The following TMEM168 variants were observed in gnomAD, a reference collection of about 807,000 sequenced individuals.
TMEM168 encodes transmembrane protein 168.
A neutral mutation model predicts 53.2 loss-of-function variants in TMEM168; 40 were observed. The observed-to-expected ratio is 0.75, with a 90% confidence interval of 0.58 to 0.98. TMEM168 has a LOEUF of 0.98. Among genes scored for constraint, TMEM168 ranks in the 50% least tolerant of loss-of-function variants. The pLI is 0.00. For missense variants in TMEM168, 771 were observed against 828.8 expected (o/e 0.93, Z 0.86); for synonymous variants, 282 against 293.0 (o/e 0.96, Z 0.38).
chr7:112,767,093 T>C lies in TMEM168; in HGVS notation c.*104A>G. 1.7e-6 allele frequency: 2 copies of C among 1,145,666 alleles called. No homozygotes were observed. The highest frequency in any genetic ancestry group is 2.7e-5 in the Admixed American group (1 of 36,888). 71.0% of individuals were successfully genotyped at this position (1,145,666 alleles called of 1,614,324 possible). The stretch of plus-strand genomic sequence containing the variant: ...GACAAAGTGAGAGCAGCTACAGAAG[T>C]AGCAAGGTATTTTCCACAAATAAAA... On this transcript the variant is annotated 3_prime_UTR_variant, in exon 5 of 5. Coordinates refer to ENST00000312814, the MANE Select transcript of TMEM168 (RefSeq NM_022484.6).
chr7:112,766,829 C>T lies in TMEM168; in HGVS notation c.*368G>A, dbSNP rs1792791791. The T allele has an allele frequency of 5.9e-6, 1 of 170,868 alleles. No homozygotes were observed. Among genetic ancestry groups the T allele is most frequent in the African/African-American group, 2.4e-5 (1 of 41,876 alleles). The allele number at this position is 170,868 out of a possible 1,614,324, so 10.6% of individuals were successfully genotyped here. A position where few individuals can be genotyped will look rare whatever the true frequency, so the allele number is the denominator to read the frequency against. The stretch of plus-strand genomic sequence containing the variant: ...ACAGTAAACAAATTTATCTGGTCTA[C>T]ATTCTCTAAACTATTATTATATGCC... On this transcript the variant is annotated 3_prime_UTR_variant, in exon 5 of 5. Transcript: ENST00000312814.
At chr7:112,771,725 T>C (rs1193631920) in intron 4 of TMEM168, among the ~76,000 whole-genome samples, 1 of 152,166 alleles carries the variant, frequency 6.6e-6, no homozygotes, top group African/African-American at 2.4e-5. Flanking sequence ...GGAGTTCTTA[T>C]ATTGGCAACT....
At position 112,765,630 on chromosome 7, in the gene TMEM168, A is replaced by T. The variant is rs1274426042; in HGVS notation, c.*1567T>A. The T allele has an allele frequency of 1.3e-5, 2 of 152,234 alleles. No homozygotes were observed. The highest frequency in any genetic ancestry group is 2.9e-5 in the Non-Finnish European group (2 of 68,028). The allele number at this position is 152,234 out of a possible 1,614,324, so 9.4% of individuals were successfully genotyped here. A position where few individuals can be genotyped will look rare whatever the true frequency, so the allele number is the denominator to read the frequency against. On this transcript the variant is annotated 3_prime_UTR_variant, in exon 5 of 5. Coordinates refer to ENST00000312814, the MANE Select transcript of TMEM168 (RefSeq NM_022484.6). ...AATATAAATCCTTAACCTATAATGG[A>T]AACTTCCAAACATGAACTCTAAAAC...
intron 1 of TMEM168, among the ~76,000 whole-genome samples, chr7:112,789,249 A>G (rs1185545290): frequency 6.6e-6 from 1 of 151,740 alleles, no homozygotes; most frequent in African/African-American, 2.4e-5. Flanking sequence ...TCCCCATTAC[A>G]TGACCCCCAT....
intron 2 of TMEM168, among the ~76,000 whole-genome samples, chr7:112,778,924 C>T (rs374539609): frequency 3.3e-5 from 5 of 152,092 alleles, no homozygotes; most frequent in African/African-American, 1.2e-4. Flanking sequence ...GGTCTCACTC[C>T]GTCGTCCAGG....
chr7:112,788,307 A>T (rs1011352409), intron 1 of TMEM168: 1 of 152,190 alleles, frequency 6.6e-6, no homozygotes, highest in African/African-American at 2.4e-5. Context: ...GTGCACACAT[A>T]TATTAATCTA....
At position 112,765,985 on chromosome 7, in the gene TMEM168, T is replaced by A. The variant is rs952199596; in HGVS notation, c.*1212A>T. 2 of 152,412 alleles carry A rather than the reference T, an allele frequency of 1.3e-5. No individual in the cohort carries two copies. The highest frequency in any genetic ancestry group is 4.8e-5 in the African/African-American group (2 of 41,276). The allele number at this position is 152,412 out of a possible 1,614,324, so 9.4% of individuals were successfully genotyped here. On this transcript the variant is annotated 3_prime_UTR_variant, in exon 5 of 5. Coordinates refer to ENST00000312814, the MANE Select transcript of TMEM168 (RefSeq NM_022484.6). ...CATTTAAACAATGAAGATTAGATTA[T>A]ACCCCAATTTAATTCTATTCCCTTC...
rs758196357 is a variant in TMEM168, at chr7:112,790,156, C to G, written c.-129+4G>C. 1.3e-5 allele frequency: 2 copies of G among 152,898 alleles called. No individual in the cohort carries two copies. Among genetic ancestry groups the G allele is most frequent in the African/African-American group, 2.4e-5 (1 of 41,468 alleles). 9.5% of individuals were successfully genotyped at this position (152,898 alleles called of 1,614,324 possible). A position where few individuals can be genotyped will look rare whatever the true frequency, so the allele number is the denominator to read the frequency against. On this transcript the variant is annotated splice_donor_region_variant and intron_variant, in intron 1 of 4. Transcript: ENST00000312814. ...CGCCCTGCCGTCCACCCATTTCTCC[C>G]TACCTGACTCGGCCGTCGCCACCAA...
chr7:112,785,532 C>A (rs901115891), intron 1 of TMEM168, among the ~76,000 whole-genome samples: 19 of 152,166 alleles, frequency 1.2e-4, no homozygotes, highest in African/African-American at 4.6e-4. Flanking sequence ...TAAAGTTGAG[C>A]CATAATTCTC....
chr7:112,789,986 G>T (rs2116326841), intron 1 of TMEM168, among the ~76,000 whole-genome samples, 174 bp downstream of exon 1: 1 of 152,338 alleles, frequency 6.6e-6, no homozygotes, highest in East Asian at 1.9e-4. Context: ...AATACGGAGA[G>T]GCGCTCCCAC....
rs1793316524 is a variant in TMEM168, at chr7:112,784,343, C to G, written c.483G>C (p.Glu161Asp). The part of the protein sequence containing the change: ...PTLLTTVEFL[E>D]LVGFAIASTT... ...TGCTGGCAATGGCAAATCCAACAAG[C>G]TCCAGAAATTCAACTGTGGTTAGTA... Residue 161 changes from glutamate (E) to aspartate (D), a missense_variant, in exon 2 of 5, where the codon GAG becomes GAC. Coordinates refer to ENST00000312814, the MANE Select transcript of TMEM168 (RefSeq NM_022484.6). 6.2e-7 allele frequency: 1 copy of G among 1,614,038 alleles called. No individual in the cohort carries two copies. The highest frequency in any genetic ancestry group is 8.5e-7 in the Non-Finnish European group (1 of 1,180,032).
chr7:112,784,803 C>T lies in TMEM168; in HGVS notation c.23G>A (p.Cys8Tyr). The T allele has an allele frequency of 6.3e-7, 1 of 1,595,506 alleles. No individual in the cohort carries two copies. Among genetic ancestry groups the T allele is most frequent in the Non-Finnish European group, 8.5e-7 (1 of 1,174,662 alleles). The part of the protein sequence containing the change: MCKSLRY[C>Y]FSHCLYLAMT... ...TGCTAAATAGAGACAATGACTAAAG[C>T]AATAACGCAGTGATTTACACATGTA... The change falls in exon 2 of 5, where the codon TGC becomes TAC. Residue 8 changes from cysteine to tyrosine, a missense_variant. Coordinates refer to ENST00000312814, the MANE Select transcript of TMEM168 (RefSeq NM_022484.6).
intron 1 of TMEM168, chr7:112,788,332 A>G (rs1793448162): frequency 6.6e-6 from 1 of 152,212 alleles, no homozygotes; most frequent in Admixed American, 6.5e-5. Flanking sequence ...TAGAAAATGA[A>G]GCACCAGCTC....
At chr7:112,771,311 C>T (rs1792925632) in intron 4 of TMEM168, among the ~76,000 whole-genome samples, 1 of 152,100 alleles carries the variant, frequency 6.6e-6, no homozygotes, top group African/African-American at 2.4e-5. Context: ...GGGAAAAATA[C>T]ACTTTAGGAA....
At chr7:112,781,304 G>A (rs1236468395) in intron 2 of TMEM168, among the ~76,000 whole-genome samples, 1 of 152,080 alleles carries the variant, frequency 6.6e-6, no homozygotes, top group Admixed American at 6.6e-5. Context: ...CCCAACAACA[G>A]AGGACTCATT....
At chr7:112,769,602 T>G (rs1792878893) in intron 4 of TMEM168, among the ~76,000 whole-genome samples, 2 of 152,184 alleles carry the variant, frequency 1.3e-5, no homozygotes, top group South Asian at 4.1e-4. Flanking sequence ...TTTCTCTTGT[T>G]TTGCTCTGCT....
Position 112,764,116 on chromosome 7 carries a change from T to A in TMEM168, c.*3081A>T, listed in dbSNP as rs1792714766. ...GCTATTTGCACATGTACCCTAAAACTTAAAGTATAATAATAATAAAATTAA... is the reference window on the plus strand; with the variant it reads ...GCTATTTGCACATGTACCCTAAAACATAAAGTATAATAATAATAAAATTAA... On this transcript the variant is annotated 3_prime_UTR_variant, in exon 5 of 5. Coordinates refer to ENST00000312814, the MANE Select transcript of TMEM168 (RefSeq NM_022484.6). The A allele has an allele frequency of 6.7e-6, 1 of 148,202 alleles. No homozygotes were observed. The allele number at this position is 148,202 out of a possible 1,614,324, so 9.2% of individuals were successfully genotyped here.
At chr7:112,786,598 GT>G (rs111631794) in intron 1 of TMEM168, among the ~76,000 whole-genome samples, 7,797 of 145,668 alleles carry the variant, frequency 0.054, 539 homozygotes, top group African/African-American at 0.17. Flanking sequence ...AATGCATTGA[GT>G]TTTTTTTTTT....
chr7:112,772,786 A>G lies in TMEM168; in HGVS notation c.1541T>C (p.Leu514Pro). ...GHTHGTGEWALAGGDTLRLDT... is the reference protein window; with the variant it reads ...GHTHGTGEWAPAGGDTLRLDT... ...ACTGCCAAAGGTGAGTTTACCTGCT[A>G]GAGCCCACTCTCCTGTACCATGGGT... Residue 514 changes from leucine to proline, a missense_variant, in exon 4 of 5, where the codon CTA (leucine) becomes CCA (proline). Coordinates refer to ENST00000312814, the MANE Select transcript of TMEM168 (RefSeq NM_022484.6). 2 of 1,611,052 alleles carry G rather than the reference A, an allele frequency of 1.2e-6. No individual in the cohort carries two copies. Among genetic ancestry groups the G allele is most frequent in the Non-Finnish European group, 1.7e-6 (2 of 1,177,424 alleles).
Sources: gnomAD v4.1 joint callset for allele counts (sites outside exome capture counted in the v4.1 genomes callset) on GRCh38, gnomAD v4.1.1 for gene constraint, MANE v1.5 for transcripts, NCBI Gene and HGNC (gene_info 2026-07-23, HGNC 2026-07-21) for gene names.